The following CDH8 variants were observed in gnomAD, a reference collection of about 807,000 sequenced individuals.
The protein encoded by CDH8 is cadherin-8.
A neutral mutation model predicts 68.1 loss-of-function variants in CDH8; 17 were observed. The observed-to-expected ratio is 0.25, with a 90% confidence interval of 0.17 to 0.37. The LOEUF (loss-of-function observed/expected upper bound fraction) is 0.37, where lower values mean the gene tolerates loss of function less well. Ranked by LOEUF, CDH8 falls within the 10% of genes least tolerant of loss-of-function variation. The pLI, the probability that CDH8 is intolerant of heterozygous loss-of-function variation, is 1.00. For synonymous variants in CDH8, 372 were observed against 365.1 expected (o/e 1.02, Z -0.21); for missense variants, 763 against 999.3 (o/e 0.76, Z 3.19).
chr16:61,792,479 G>A (rs1045270754), intron 7 of CDH8, among the ~76,000 whole-genome samples: 1 of 151,906 alleles, frequency 6.6e-6, no homozygotes, highest in African/African-American at 2.4e-5. Flanking sequence ...CAAAAATTCT[G>A]ACTCAACGTT....
intron 10 of CDH8, among the ~76,000 whole-genome samples, chr16:61,685,285 T>C (rs140129849): frequency 6.6e-6 from 1 of 150,916 alleles, no homozygotes; most frequent in Non-Finnish European, 1.5e-5. Flanking sequence ...AAGGTAAAAA[T>C]GGCAAATTAA....
At chr16:61,968,640 A>C (rs1171253915) in intron 2 of CDH8, among the ~76,000 whole-genome samples, 1 of 152,250 alleles carries the variant, frequency 6.6e-6, no homozygotes, top group East Asian at 1.9e-4. Flanking sequence ...TAATTTAATA[A>C]ATGAGGCATC....
At position 61,845,508 on chromosome 16, in the gene CDH8, A is replaced by T. The variant is rs964969164; in HGVS notation, c.667+11611T>A. 5.4e-4 allele frequency among the ~76,000 whole-genome samples: 82 copies of T among 151,586 alleles called. 1 individual carries two copies. Among genetic ancestry groups the T allele is most frequent in the Non-Finnish European group, 3.8e-4 (26 of 67,804 alleles). On this transcript the variant is annotated intron_variant, in intron 4 of 11. Transcript: ENST00000577390. ...AAGAAACTCTCCAGATATGTAAAAA[A>T]AAAAAAAAAAAAAACTATCTAATTA...
At chr16:62,008,373 C>A (rs778327409) in intron 2 of CDH8, among the ~76,000 whole-genome samples, 2 of 152,114 alleles carry the variant, frequency 1.3e-5, no homozygotes, top group South Asian at 2.1e-4. Context: ...ATTTTGTTTA[C>A]GTGAATGTGA....
At chr16:61,657,145 T>C (rs1260521377) in intron 10 of CDH8, among the ~76,000 whole-genome samples, 1 of 151,942 alleles carries the variant, frequency 6.6e-6, no homozygotes, top group African/African-American at 2.4e-5. Flanking sequence ...TTCCAAACCA[T>C]TGCCATCCAA....
At chr16:61,843,481 T>A (rs1324621133) in intron 4 of CDH8, among the ~76,000 whole-genome samples, 2 of 152,152 alleles carry the variant, frequency 1.3e-5, no homozygotes, top group Non-Finnish European at 2.9e-5. Context: ...AATATCTTAG[T>A]CAAGGTCATG....
At chr16:61,679,934 A>G (rs1170695386) in intron 10 of CDH8, among the ~76,000 whole-genome samples, 2 of 151,976 alleles carry the variant, frequency 1.3e-5, no homozygotes. Flanking sequence ...TATTGTATGG[A>G]TATCCTTCTC....
intron 1 of CDH8, among the ~76,000 whole-genome samples, chr16:62,022,915 T>C (rs2150614754): frequency 6.6e-6 from 1 of 152,052 alleles, no homozygotes; most frequent in Non-Finnish European, 1.5e-5. Flanking sequence ...ACTCTATAAT[T>C]TAAAAGGGCT....
chr16:61,778,223 T>G (rs1960950496), intron 8 of CDH8, among the ~76,000 whole-genome samples: 1 of 152,122 alleles, frequency 6.6e-6, no homozygotes, highest in Admixed American at 6.6e-5. Flanking sequence ...CACAAGGGAA[T>G]AGCTATCAAT....
chr16:61,940,360 G>C (rs965606401), intron 2 of CDH8: 2 of 150,254 alleles, frequency 1.3e-5, no homozygotes, highest in African/African-American at 4.9e-5. Flanking sequence ...ACAGTTTACA[G>C]CTTTGCTAGG....
intron 8 of CDH8, among the ~76,000 whole-genome samples, chr16:61,787,953 G>A (rs1354821816): frequency 1.7e-5 from 2 of 117,774 alleles, no homozygotes; most frequent in Non-Finnish European, 1.7e-5. Context: ...GGGGGGGCGG[G>A]GGGAGGGATA....
rs1424144319 is a variant in CDH8 at position 61,650,517 on chromosome 16, T to C, written c.*3091A>G. The C allele has an allele frequency of 6.6e-6, 1 of 152,102 alleles. No homozygotes were observed. Among genetic ancestry groups the C allele is most frequent in the Non-Finnish European group, 1.5e-5 (1 of 68,022 alleles). 9.4% of individuals were successfully genotyped at this position (152,102 alleles called of 1,614,324 possible). A position where few individuals can be genotyped will look rare whatever the true frequency, so the allele number is the denominator to read the frequency against. On this transcript the variant is annotated 3_prime_UTR_variant, in exon 12 of 12. Coordinates refer to ENST00000577390, the MANE Select transcript of CDH8 (RefSeq NM_001796.5). Reference sequence around the variant, plus strand: ...TAAAAATATAGTCATTTCAATAAAGTTTTTAAAATGTGTTATTTAACAAAT... The same window carrying C: ...TAAAAATATAGTCATTTCAATAAAGCTTTTAAAATGTGTTATTTAACAAAT...
intron 7 of CDH8, among the ~76,000 whole-genome samples, chr16:61,801,943 T>TC (rs894228403): frequency 2.3e-4 from 33 of 141,836 alleles, no homozygotes; most frequent in Admixed American, 9.6e-4. Context: ...GCCGGGAAGC[T>TC]CCAACTGGGT....
chr16:61,812,988 G>C (rs962305128), intron 7 of CDH8, among the ~76,000 whole-genome samples: 3 of 152,106 alleles, frequency 2.0e-5, no homozygotes, highest in African/African-American at 7.2e-5. Flanking sequence ...GCTTAGTATG[G>C]TGTCGGATTC....
At chr16:61,973,701 A>G (rs987890306) in intron 2 of CDH8, among the ~76,000 whole-genome samples, 2 of 152,240 alleles carry the variant, frequency 1.3e-5, no homozygotes, top group Non-Finnish European at 2.9e-5. Context: ...GAAAATAGAT[A>G]AACCAGAGAT....
At position 61,987,544 on chromosome 16, in the gene CDH8, A is replaced by C. The variant is rs373330699; in HGVS notation, c.252+33608T>G. ...TAACAAAATGAAATAAATCAAATCAAATCAAAGAATAGTTAGAGATAATAA... is the reference window on the plus strand; with the variant it reads ...TAACAAAATGAAATAAATCAAATCACATCAAAGAATAGTTAGAGATAATAA... On this transcript the variant is annotated intron_variant, in intron 2 of 11. Coordinates refer to ENST00000577390, the MANE Select transcript of CDH8 (RefSeq NM_001796.5). 2.6e-5 allele frequency among the ~76,000 whole-genome samples: 4 copies of C among 152,032 alleles called. No homozygotes were observed. In the South Asian group the frequency reaches 8.3e-4, roughly 32 times the overall value.
chr16:61,674,100 A>G (rs2142784401), intron 10 of CDH8, among the ~76,000 whole-genome samples: 1 of 152,292 alleles, frequency 6.6e-6, no homozygotes, highest in African/African-American at 2.4e-5. Flanking sequence ...CTAATACATA[A>G]GTCATTCAGC....
chr16:61,989,252 G>C (rs2150587984), intron 2 of CDH8, among the ~76,000 whole-genome samples: 1 of 152,294 alleles, frequency 6.6e-6, no homozygotes. Flanking sequence ...GTAACGACAT[G>C]CTTTTGGTAC....
chr16:61,662,088 T>C lies in CDH8; in HGVS notation c.1655-6367A>G, dbSNP rs1408130725. 7.0e-5 allele frequency among the ~76,000 whole-genome samples: 3 copies of C among 42,666 alleles called. No individual in the cohort carries two copies. In the East Asian group the frequency reaches 8.1e-4, roughly 12 times the overall value. The allele number at this position is 42,666 out of a possible 152,430, so 28.0% of individuals were successfully genotyped here. A position where few individuals can be genotyped will look rare whatever the true frequency, so the allele number is the denominator to read the frequency against. Reference sequence around the variant, plus strand: ...TTTTTTTACTTTAGTTTTACTTTAGTTTTTTTTTTTTTTTTTGGTTAATTT... The same window carrying C: ...TTTTTTTACTTTAGTTTTACTTTAGCTTTTTTTTTTTTTTTTGGTTAATTT... On this transcript the variant is annotated intron_variant, in intron 10 of 11. Coordinates refer to ENST00000577390, the MANE Select transcript of CDH8 (RefSeq NM_001796.5).
Sources: gnomAD v4.1 joint callset for allele counts (sites outside exome capture counted in the v4.1 genomes callset) on GRCh38, gnomAD v4.1.1 for gene constraint, MANE v1.5 for transcripts, NCBI Gene and HGNC (gene_info 2026-07-23, HGNC 2026-07-21) for gene names.